COL5A2: variants seen among roughly 807,000 people sequenced by gnomAD.
The protein encoded by COL5A2 is collagen alpha-2(V) chain.
COL5A2 carries 23 observed loss-of-function variants against 208.2 expected under a neutral mutation model. That is an observed-to-expected ratio of 0.11 (90% CI 0.08 to 0.16). The LOEUF is 0.16. Ranked by LOEUF, COL5A2 falls within the 10% of genes least tolerant of loss-of-function variation. The pLI, the probability that COL5A2 is intolerant of heterozygous loss-of-function variation, is 1.00. For synonymous variants in COL5A2, 625 were observed against 628.5 expected (o/e 0.99, Z 0.08); for missense variants, 1,590 against 1,956.4 (o/e 0.81, Z 3.53).
intron 46 of COL5A2, 97 bp from the exon 47 acceptor site, chr2:189,045,329 C>CAT (rs202224256): frequency 7.8e-4 from 545 of 701,460 alleles, no homozygotes; most frequent in Non-Finnish European, 9.6e-4. Flanking sequence ...TAGTTGGATG[C>CAT]ATATATATAT....
chr2:189,236,911 T>C, the COL5A2 span, among the ~76,000 whole-genome samples: 1 of 151,894 alleles, frequency 6.6e-6, no homozygotes, highest in African/African-American at 2.4e-5. Flanking sequence ...GTTAGCAATT[T>C]GTGTATCTTG....
Position 189,178,822 on chromosome 2 carries a change from C to T in COL5A2, c.97+686G>A, listed in dbSNP as rs1019813957. Among the ~76,000 whole-genome samples, 4 of 151,976 alleles carry T rather than the reference C, an allele frequency of 2.6e-5. No individual in the cohort carries two copies. The East Asian group carries it at 7.7e-4, about 29-fold the overall frequency. ...GATTTCCTGCCTTCCGCCATCCAAC[C>T]GGGAACCACCACTGTCCTGTTAATC... On this transcript the variant is annotated intron_variant, in intron 1 of 53. Transcript: ENST00000374866.
intron 1 of COL5A2, among the ~76,000 whole-genome samples, chr2:189,140,720 T>A (rs904556850): frequency 6.6e-6 from 1 of 152,254 alleles, no homozygotes; most frequent in Non-Finnish European, 1.5e-5. Flanking sequence ...AGAGGCTTAA[T>A]GTATACTAAG....
At chr2:189,269,921 T>C in the COL5A2 span, among the ~76,000 whole-genome samples, 1 of 152,188 alleles carries the variant, frequency 6.6e-6, no homozygotes, top group African/African-American at 2.4e-5. Context: ...AACTTGTTAT[T>C]GGTCTATTCA....
At chr2:189,149,703 G>T (rs1373771282) in intron 1 of COL5A2, among the ~76,000 whole-genome samples, 1 of 152,178 alleles carries the variant, frequency 6.6e-6, no homozygotes, top group Non-Finnish European at 1.5e-5. Context: ...AATGTTTTCA[G>T]GGGGTTAAGA....
rs1390706118 is a variant in COL5A2, at chr2:189,093,844, T to A, written c.457-1424A>T. The stretch of plus-strand genomic sequence containing the variant: ...GAGAGTAACATGAACTGGATATGTA[T>A]ATGACAGCACAGACAAAATAATAGT... On this transcript the variant is annotated intron_variant, in intron 6 of 53. Transcript: ENST00000374866. 5.9e-5 allele frequency among the ~76,000 whole-genome samples: 9 copies of A among 152,224 alleles called. No individual in the cohort carries two copies. The East Asian group carries it at 1.7e-3, about 29-fold the overall frequency.
At chr2:189,059,014 A>C in intron 31 of COL5A2, 121 bp from the exon 32 acceptor site, 4 of 708,186 alleles carry the variant, frequency 5.6e-6, no homozygotes, top group Non-Finnish European at 9.9e-6. Flanking sequence ...TGCATAAGCC[A>C]ACAATTTAAA....
intron 1 of COL5A2, among the ~76,000 whole-genome samples, chr2:189,120,555 G>A (rs1453279318): frequency 1.3e-5 from 2 of 152,176 alleles, no homozygotes; most frequent in Non-Finnish European, 2.9e-5. Context: ...CTTCAAATTA[G>A]TAAGGGTGAA....
the COL5A2 span, among the ~76,000 whole-genome samples, chr2:189,405,027 G>A: frequency 6.6e-6 from 1 of 152,016 alleles, no homozygotes; most frequent in Admixed American, 6.6e-5. Flanking sequence ...AATGATAATT[G>A]TACCTATTTT....
At chr2:189,250,939 A>T in the COL5A2 span, among the ~76,000 whole-genome samples, 2 of 152,182 alleles carry the variant, frequency 1.3e-5, no homozygotes, top group Non-Finnish European at 2.9e-5. Context: ...AGGAATCATG[A>T]TGTGAATTTT....
At chr2:189,203,109 G>A (rs1162087876) in intron 1 of COL5A2, among the ~76,000 whole-genome samples, 3 of 152,268 alleles carry the variant, frequency 2.0e-5, no homozygotes, top group East Asian at 3.9e-4. Flanking sequence ...AAGAAAAGAT[G>A]AGTACTTGAA....
the COL5A2 span, among the ~76,000 whole-genome samples, chr2:189,372,178 A>C: frequency 6.6e-6 from 1 of 152,194 alleles, no homozygotes; most frequent in Admixed American, 6.5e-5. Flanking sequence ...GAAATTCCTA[A>C]TCCTGCTCCA....
intron 26 of COL5A2, 137 bp from the exon 27 acceptor site, chr2:189,063,407 A>G: frequency 1.3e-6 from 1 of 752,006 alleles, no homozygotes; most frequent in South Asian, 1.5e-5. Context: ...AAGAATCAGG[A>G]CAGTTGAATG....
At chr2:189,314,788 GAAT>G in the COL5A2 span, among the ~76,000 whole-genome samples, 1 of 152,082 alleles carries the variant, frequency 6.6e-6, no homozygotes, top group Non-Finnish European at 1.5e-5. Flanking sequence ...AACCATCAGA[GAAT>G]ATTATGAACA....
At chr2:189,144,771 C>G (rs1429281904) in intron 1 of COL5A2, among the ~76,000 whole-genome samples, 1 of 152,062 alleles carries the variant, frequency 6.6e-6, no homozygotes, top group African/African-American at 2.4e-5. Flanking sequence ...GCAGTAAGCA[C>G]AGTTGGGGCA....
intron 51 of COL5A2, 43 bp downstream of exon 51, chr2:189,039,229 C>G (rs1477936421): frequency 1.2e-6 from 2 of 1,609,970 alleles, no homozygotes; most frequent in East Asian, 4.5e-5. Context: ...AATAAACAAT[C>G]AGAAACAACG....
the COL5A2 span, among the ~76,000 whole-genome samples, chr2:189,270,510 T>G: frequency 6.6e-6 from 1 of 152,190 alleles, no homozygotes; most frequent in African/African-American, 2.4e-5. Flanking sequence ...GAGCATGTTG[T>G]TCAGTTTTCA....
chr2:189,047,584 C>G (rs950836829), intron 45 of COL5A2, among the ~76,000 whole-genome samples: 1 of 152,074 alleles, frequency 6.6e-6, no homozygotes. Context: ...AACAATATTC[C>G]AAATCAAGTC....
chr2:189,271,708 C>T, the COL5A2 span, among the ~76,000 whole-genome samples: 1 of 152,072 alleles, frequency 6.6e-6, no homozygotes. Context: ...AAACTATCAA[C>T]AGAGTGAACA....
Sources: gnomAD v4.1 joint callset for allele counts (sites outside exome capture counted in the v4.1 genomes callset) on GRCh38, gnomAD v4.1.1 for gene constraint, MANE v1.5 for transcripts, NCBI Gene and HGNC (gene_info 2026-07-23, HGNC 2026-07-21) for gene names.